LARGE1: variants seen among roughly 807,000 people sequenced by gnomAD.
The protein encoded by LARGE1 is LARGE xylosyl- and glucuronyltransferase 1.
LARGE1 carries 43 observed loss-of-function variants against 87.6 expected under a neutral mutation model. The observed-to-expected ratio is 0.49, with a 90% CI of 0.38 to 0.63. The LOEUF (loss-of-function observed/expected upper bound fraction) is 0.63. LARGE1 is among the 30% of genes least tolerant of loss of function. LARGE1 has a pLI of 0.00. For missense variants in LARGE1, 802 were observed against 1,000.2 expected (o/e 0.80, Z 2.67); for synonymous variants, 434 against 394.6 (o/e 1.10, Z -1.18).
the LARGE1 span, among the ~76,000 whole-genome samples, chr22:33,108,285 A>C: frequency 6.6e-6 from 1 of 152,224 alleles, no homozygotes; most frequent in Non-Finnish European, 1.5e-5. Flanking sequence ...GCACTGGAGA[A>C]AGAAAAATGG....
At chr22:33,693,752 A>G (rs577718143) in intron 2 of LARGE1, among the ~76,000 whole-genome samples, 35 of 152,214 alleles carry the variant, frequency 2.3e-4, no homozygotes, top group African/African-American at 8.4e-4. Flanking sequence ...TGAACCCCGG[A>G]GGCGGAAGTT....
At chr22:33,099,011 C>T in the LARGE1 span, among the ~76,000 whole-genome samples, 2 of 152,170 alleles carry the variant, frequency 1.3e-5, no homozygotes, top group African/African-American at 4.8e-5. Flanking sequence ...CTACATAAGC[C>T]CAAATTCTAA....
chr22:33,684,773 T>C (rs1359352911), intron 2 of LARGE1, among the ~76,000 whole-genome samples: 2 of 152,216 alleles, frequency 1.3e-5, no homozygotes, highest in African/African-American at 2.4e-5. Context: ...CTTACAGCGA[T>C]GGCCTTCCCT....
rs201614632 is a variant in LARGE1 at position 33,372,196 on chromosome 22, ATT to A, written c.1131+9721_1131+9722del. On this transcript the variant is annotated intron_variant, in intron 9 of 14. Coordinates refer to ENST00000397394, the MANE Select transcript of LARGE1 (RefSeq NM_133642.5). ...AAGTTGTTTTCAGCTTCTTAAATAT[ATT>A]TGAGTCTATTAAAACATGCTTCTAA... Among the ~76,000 whole-genome samples the A allele has an allele frequency of 3.8e-3, 575 of 152,232 alleles. 3 individuals are homozygous for A. Among genetic ancestry groups the A allele is most frequent in the African/African-American group, 0.013 (542 of 41,562 alleles).
At chr22:33,281,492 T>C (rs1488844369) in intron 13 of LARGE1, among the ~76,000 whole-genome samples, 2 of 152,210 alleles carry the variant, frequency 1.3e-5, no homozygotes, top group African/African-American at 4.8e-5. Flanking sequence ...TGCTATTTAC[T>C]GGCTGTGTGT....
At chr22:33,224,123 G>C (rs761742810) in intron 11 of LARGE1, among the ~76,000 whole-genome samples, 11 of 152,102 alleles carry the variant, frequency 7.2e-5, no homozygotes, top group Non-Finnish European at 1.6e-4. Context: ...AAAATTAGCT[G>C]GGCGTGGTGG....
rs1046656998 is a variant in LARGE1, at chr22:33,474,989, T to C, written c.788-42724A>G. On this transcript the variant is annotated intron_variant, in intron 6 of 14. Coordinates refer to ENST00000397394, the MANE Select transcript of LARGE1 (RefSeq NM_133642.5). ...ACAGTAATATCAGAAGATAAGGAGATGGAATGCCCTCTTTTGTCAAACTGC... is the reference window on the plus strand; with the variant it reads ...ACAGTAATATCAGAAGATAAGGAGACGGAATGCCCTCTTTTGTCAAACTGC... Among the ~76,000 whole-genome samples the C allele has an allele frequency of 5.3e-5, 8 of 152,242 alleles. 1 individual carries two copies. The South Asian group carries it at 1.7e-3, about 32-fold the overall frequency.
intron 11 of LARGE1, among the ~76,000 whole-genome samples, chr22:33,200,974 C>G (rs957398648): frequency 1.3e-5 from 2 of 152,038 alleles, no homozygotes; most frequent in African/African-American, 4.8e-5. Context: ...AGAATTATCT[C>G]AATGTTTTTT....
chr22:33,363,893 G>T (rs1221312749), intron 9 of LARGE1, among the ~76,000 whole-genome samples: 1 of 149,134 alleles, frequency 6.7e-6, no homozygotes, highest in Non-Finnish European at 1.5e-5. Flanking sequence ...TGGATGAAGG[G>T]ATGATTCACC....
chr22:33,545,419 A>AACACACACACACACACACAC (rs55754949), intron 6 of LARGE1, among the ~76,000 whole-genome samples: 171 of 144,024 alleles, frequency 1.2e-3, no homozygotes, highest in African/African-American at 3.5e-3. Context: ...ACACCCAGCT[A>AACACACACACACACACACAC]ACACACACAC....
At chr22:33,776,858 C>T (rs1179411446) in intron 1 of LARGE1, among the ~76,000 whole-genome samples, 7 of 152,132 alleles carry the variant, frequency 4.6e-5, no homozygotes, top group Admixed American at 1.3e-4. Context: ...CTTTTCTCTA[C>T]GCTTTGCCAT....
At position 33,402,432 on chromosome 22, in the gene LARGE1, A is replaced by G. The variant is rs5998929; in HGVS notation, c.893-18128T>C. Reference sequence around the variant, plus strand: ...GGTACTTTTTGCTGCTTCTCTGACTAATTTGGGAATGACAGCAAGAATACA... The same window carrying G: ...GGTACTTTTTGCTGCTTCTCTGACTGATTTGGGAATGACAGCAAGAATACA... On this transcript the variant is annotated intron_variant, in intron 7 of 14. Coordinates refer to ENST00000397394, the MANE Select transcript of LARGE1 (RefSeq NM_133642.5). Among the ~76,000 whole-genome samples the G allele has an allele frequency of 8.9e-3, 1,353 of 152,236 alleles. 20 individuals carry two copies. Among genetic ancestry groups the G allele is most frequent in the African/African-American group, 0.031 (1,277 of 41,540 alleles).
chr22:33,305,270 C>G lies in LARGE1; in HGVS notation c.1452-763G>C, dbSNP rs937230098. On this transcript the variant is annotated intron_variant, in intron 11 of 14. Coordinates refer to ENST00000397394, the MANE Select transcript of LARGE1 (RefSeq NM_133642.5). ...GCATCACTCGTCTTCAGAGCCCCTA[C>G]TACCCCAGGGCGCCAGGCAACTGTG... Among the ~76,000 whole-genome samples, 4 of 151,508 alleles carry G rather than the reference C, an allele frequency of 2.6e-5. No individual in the cohort carries two copies. The South Asian group carries it at 6.3e-4, about 24-fold the overall frequency.
Position 33,650,555 on chromosome 22 carries a change from C to T in LARGE1, c.220G>A (p.Glu74Lys), listed in dbSNP as rs757062605. ...TGCCTGCGGAGGGCGCGGTTCTCCTCCTCCACCTCGCGCATGCGCACCTCC... is the reference window on the plus strand; with the variant it reads ...TGCCTGCGGAGGGCGCGGTTCTCCTTCTCCACCTCGCGCATGCGCACCTCC... Reference protein sequence around the residue: ...SLEVRMREVEEENRALRRQLS... With the variant: ...SLEVRMREVEKENRALRRQLS... The change falls in exon 3 of 15, where the codon GAG (glutamate) becomes AAG (lysine). Residue 74 changes from glutamate (E) to lysine (K), a missense_variant. This residue lies in a region of LARGE1 where 177 missense variants were observed against 158.3 expected (regional missense o/e 1.12). Coordinates refer to ENST00000397394, the MANE Select transcript of LARGE1 (RefSeq NM_133642.5). 17 of 1,609,080 alleles carry T rather than the reference C, an allele frequency of 1.1e-5. 1 individual carries two copies. In the Middle Eastern group the frequency reaches 5.0e-4, roughly 47 times the overall value.
At position 33,382,161 on chromosome 22, in the gene LARGE1, A is replaced by C. The variant is rs2065181405; in HGVS notation, c.1006-117T>G. The stretch of plus-strand genomic sequence containing the variant: ...GCTTCTCTTGAACCTCCTGCTCTGA[A>C]CACAGGCTGGCTCGCACTGTGAGGC... On this transcript the variant is annotated intron_variant, in intron 8 of 14. Coordinates refer to ENST00000397394, the MANE Select transcript of LARGE1 (RefSeq NM_133642.5). 6 of 1,365,728 alleles carry C rather than the reference A, an allele frequency of 4.4e-6. No homozygotes were observed. In the South Asian group the frequency reaches 7.9e-5, roughly 18 times the overall value. 84.6% of individuals were successfully genotyped at this position (1,365,728 alleles called of 1,614,324 possible).
the LARGE1 span, among the ~76,000 whole-genome samples, chr22:33,109,764 T>G: frequency 6.6e-6 from 1 of 152,186 alleles, no homozygotes; most frequent in Non-Finnish European, 1.5e-5. Flanking sequence ...GTGTCCTCCC[T>G]GCAATAATGA....
intron 3 of LARGE1, among the ~76,000 whole-genome samples, chr22:33,647,193 C>T (rs1462867239): frequency 2.6e-5 from 4 of 152,168 alleles, no homozygotes; most frequent in Admixed American, 1.3e-4. Flanking sequence ...TAACACACAA[C>T]CAAGTTTGAG....
Position 33,484,974 on chromosome 22 carries a change from C to T in LARGE1, c.788-52709G>A, listed in dbSNP as rs148092035. ...TTGCCCAGGCTGGAATGCAGTGGCACGATCTTGGCTCACTGCAACCTCCAA... is the reference window on the plus strand; with the variant it reads ...TTGCCCAGGCTGGAATGCAGTGGCATGATCTTGGCTCACTGCAACCTCCAA... On this transcript the variant is annotated intron_variant, in intron 6 of 14. Coordinates refer to ENST00000397394, the MANE Select transcript of LARGE1 (RefSeq NM_133642.5). Among the ~76,000 whole-genome samples the T allele has an allele frequency of 5.2e-3, 786 of 149,776 alleles. 7 individuals carry two copies. Among genetic ancestry groups the T allele is most frequent in the African/African-American group, 0.018 (714 of 40,426 alleles).
At chr22:33,780,087 C>A (rs1376607931) in intron 1 of LARGE1, among the ~76,000 whole-genome samples, 2 of 152,178 alleles carry the variant, frequency 1.3e-5, no homozygotes, top group Non-Finnish European at 2.9e-5. Context: ...CTGGTAGGAC[C>A]TTAGCTTGTG....
Sources: gnomAD v4.1 joint callset for allele counts (sites outside exome capture counted in the v4.1 genomes callset) on GRCh38, gnomAD v4.1.1 for gene constraint, gnomAD v4.1.1 regional missense constraint, MANE v1.5 for transcripts, NCBI Gene and HGNC (gene_info 2026-07-23, HGNC 2026-07-21) for gene names.